DIP2C: variants seen among roughly 807,000 people sequenced by gnomAD.
DIP2C encodes the protein disco-interacting protein 2 homolog C.
A neutral mutation model predicts 192.4 loss-of-function variants in DIP2C; 33 were observed. That is an observed-to-expected ratio of 0.17 (90% CI 0.13 to 0.23). The LOEUF (loss-of-function observed/expected upper bound fraction) is 0.23. Ranked by LOEUF, DIP2C falls within the 10% of genes least tolerant of loss-of-function variation. The pLI is 1.00. For missense variants in DIP2C, 1,537 were observed against 2,110.1 expected, an observed-to-expected ratio of 0.73 and a Z score of 5.32; for synonymous variants, 979 against 864.1, an observed-to-expected ratio of 1.13 and a Z score of -2.33.
intron 26 of DIP2C, 80 bp from the exon 27 acceptor site, chr10:345,190 A>G (rs770336096): frequency 1.6e-6 from 2 of 1,268,622 alleles, no homozygotes; most frequent in South Asian, 2.5e-5. Context: ...TCTCCTGCTT[A>G]CTACATACAC....
At chr10:467,927 A>G (rs929216291) in intron 3 of DIP2C, among the ~76,000 whole-genome samples, 28 of 152,308 alleles carry the variant, frequency 1.8e-4, no homozygotes, top group African/African-American at 5.1e-4. Context: ...TGTTCTGCAC[A>G]TGTACTCCAG....
intron 3 of DIP2C, among the ~76,000 whole-genome samples, chr10:442,574 C>T (rs1356119242): frequency 6.6e-6 from 1 of 152,170 alleles, no homozygotes; most frequent in Non-Finnish European, 1.5e-5. Flanking sequence ...AGAAAATCTG[C>T]AAGACCAGTG....
intron 24 of DIP2C, among the ~76,000 whole-genome samples, chr10:350,075 C>T (rs928310847): frequency 5.3e-5 from 8 of 152,130 alleles, no homozygotes; most frequent in African/African-American, 1.9e-4. Context: ...TACCAAGAAA[C>T]ATCGCAAGAG....
At chr10:334,748 G>A (rs1421040533) in intron 29 of DIP2C, among the ~76,000 whole-genome samples, 1 of 152,072 alleles carries the variant, frequency 6.6e-6, no homozygotes, top group South Asian at 2.1e-4. Context: ...AAATATAAGG[G>A]TTTATTTCTG....
At chr10:354,389 C>G (rs1958973975) in intron 24 of DIP2C, among the ~76,000 whole-genome samples, 1 of 152,174 alleles carries the variant, frequency 6.6e-6, no homozygotes. Flanking sequence ...AGACCAGATG[C>G]CAAGCCCAGG....
At chr10:337,242 T>TGTGCGCGC (rs1957856173) in intron 29 of DIP2C, among the ~76,000 whole-genome samples, 2 of 148,944 alleles carry the variant, frequency 1.3e-5, no homozygotes, top group African/African-American at 2.5e-5. Context: ...TAGGCCGGTG[T>TGTGCGCGC]GTGTGTGTTG....
chr10:404,209 GA>G (rs1457637313), intron 9 of DIP2C, among the ~76,000 whole-genome samples: 2 of 91,136 alleles, frequency 2.2e-5, no homozygotes, highest in African/African-American at 7.3e-5. Context: ...CTTCATTCTG[GA>G]TTTTTTTTTT....
chr10:389,940 G>C (rs4881219), intron 13 of DIP2C, 51 bp downstream of exon 13: 767,997 of 1,452,662 alleles, frequency 0.53, 205,568 homozygotes, highest in East Asian at 0.67. Context: ...CTTCGTGTCA[G>C]GTGTCCCGGT....
chr10:521,065 A>G (rs1055314306), intron 1 of DIP2C, among the ~76,000 whole-genome samples: 4 of 152,224 alleles, frequency 2.6e-5, no homozygotes, highest in Non-Finnish European at 5.9e-5. Flanking sequence ...TAAATCCTGG[A>G]CTTTTGGATA....
chr10:488,867 A>C (rs1339033494), intron 1 of DIP2C, among the ~76,000 whole-genome samples: 1 of 152,224 alleles, frequency 6.6e-6, no homozygotes, highest in Non-Finnish European at 1.5e-5. Context: ...TTACAAACTG[A>C]AGCCAGGGTG....
At chr10:657,081 G>A (rs1188534298) in intron 1 of DIP2C, among the ~76,000 whole-genome samples, 1 of 151,904 alleles carries the variant, frequency 6.6e-6, no homozygotes, top group Non-Finnish European at 1.5e-5. Context: ...TGCTGGACTT[G>A]CCACTGGACT....
intron 3 of DIP2C, among the ~76,000 whole-genome samples, chr10:455,238 T>A (rs1969192154): frequency 6.6e-6 from 1 of 151,908 alleles, no homozygotes. Context: ...TGGGTGCAAA[T>A]CAGGAACAGT....
intron 9 of DIP2C, among the ~76,000 whole-genome samples, chr10:407,778 G>C (rs1239216350): frequency 6.6e-6 from 1 of 151,872 alleles, no homozygotes; most frequent in Admixed American, 6.6e-5. Context: ...TGTTGTTGTT[G>C]CTTTTTTTGG....
In DIP2C at chr10:460,861, C is replaced by T. The variant is rs529930141; in HGVS notation, c.268+11578G>A. On this transcript the variant is annotated intron_variant, in intron 3 of 36. Coordinates refer to ENST00000280886, the MANE Select transcript of DIP2C (RefSeq NM_014974.3). ...ATCAGACTAACAGCGGATCTCTCTGCAGAAACCCGACATGCCAGAAGAGAG... is the reference window on the plus strand; with the variant it reads ...ATCAGACTAACAGCGGATCTCTCTGTAGAAACCCGACATGCCAGAAGAGAG... 1.9e-3 allele frequency among the ~76,000 whole-genome samples: 296 copies of T among 152,304 alleles called. 1 individual carries two copies. Among genetic ancestry groups the T allele is most frequent in the Middle Eastern group, 0.01 (3 of 294 alleles).
At chr10:470,729 T>G (rs1312790795) in intron 3 of DIP2C, among the ~76,000 whole-genome samples, 1 of 151,812 alleles carries the variant, frequency 6.6e-6, no homozygotes, top group Non-Finnish European at 1.5e-5. Flanking sequence ...GGATCTCCTG[T>G]GTGGTAAGAT....
intron 1 of DIP2C, among the ~76,000 whole-genome samples, chr10:580,364 G>A (rs1850544791): frequency 6.6e-6 from 1 of 152,142 alleles, no homozygotes; most frequent in Non-Finnish European, 1.5e-5. Context: ...CTTACAGTGT[G>A]CACACATGTA....
intron 1 of DIP2C, among the ~76,000 whole-genome samples, chr10:545,679 G>A (rs1046671857): frequency 6.6e-6 from 1 of 152,156 alleles, no homozygotes; most frequent in Non-Finnish European, 1.5e-5. Flanking sequence ...GTCTGTTACG[G>A]TACCCAGCAG....
intron 1 of DIP2C, among the ~76,000 whole-genome samples, chr10:495,558 T>A (rs1844767217): frequency 6.8e-6 from 1 of 146,642 alleles, no homozygotes; most frequent in African/African-American, 2.7e-5. Flanking sequence ...TTCTAGCGAC[T>A]CTCTCAGTGA....
At chr10:605,128 C>T (rs958751665) in intron 1 of DIP2C, among the ~76,000 whole-genome samples, 59 of 152,196 alleles carry the variant, frequency 3.9e-4, no homozygotes, top group African/African-American at 1.4e-3. Context: ...GCCGCGATGC[C>T]GTGAGCGCAG....
Sources: allele counts gnomAD v4.1 joint callset (sites outside exome capture counted in the v4.1 genomes callset), GRCh38; gene constraint gnomAD v4.1.1; transcripts MANE v1.5; gene names NCBI Gene and HGNC (gene_info 2026-07-23, HGNC 2026-07-21).